The following MYO15A variants were observed in gnomAD, a reference collection of about 807,000 sequenced individuals.
The protein encoded by MYO15A is myosin XVA, also known as unconventional myosin-XV.
In MYO15A, 308 loss-of-function variants were observed where a neutral mutation model predicts 394.6. That is an observed-to-expected ratio of 0.78 (90% CI 0.71 to 0.86). MYO15A has a LOEUF of 0.86. Ranked by LOEUF, MYO15A falls within the 40% of genes least tolerant of loss-of-function variation. The probability of loss-of-function intolerance (pLI) is 0.00; values close to 1 mark genes in which losing one functional copy is unlikely to be tolerated. For synonymous variants in MYO15A, 1,957 were observed against 2,003.8 expected, an observed-to-expected ratio of 0.98 and a Z score of 0.62; for missense variants, 4,606 against 4,799.1, an observed-to-expected ratio of 0.96 and a Z score of 1.19.
At chr17:18,125,360 C>T (rs2046014637) in intron 4 of MYO15A, 129 bp downstream of exon 4, 1 of 917,162 alleles carries the variant, frequency 1.1e-6, no homozygotes, top group Non-Finnish European at 1.8e-6. Flanking sequence ...ATGCCAGAGC[C>T]TAGAACTAAA....
rs763708408 is a variant in MYO15A, at chr17:18,166,384, C to T, written c.9811C>T (p.Arg3271Cys). The T allele has an allele frequency of 9.3e-6, 15 of 1,613,484 alleles. No individual in the cohort carries two copies. The highest frequency in any genetic ancestry group is 5.0e-5 in the Admixed American group (3 of 60,002). Residue 3271 changes from arginine (R) to cysteine (C), a missense_variant, in exon 61 of 66, where the codon CGC becomes TGC. Physicochemically the swap from Arg to Cys is radical, Grantham distance 180 (BLOSUM62 -3). This residue lies in a region of MYO15A where 2,776 missense variants were observed against 3,109.3 expected (regional missense o/e 0.89). Coordinates refer to ENST00000647165, the MANE Select transcript of MYO15A (RefSeq NM_016239.4). ...AGGCCAGCATGTGTGCCCACTCAGT[C>T]GCCGTGCTTACATCCTGGATGTGGC... ...NRGQHVCPLS[R>C]RAYILDVASE...
rs1395748595 is a variant in MYO15A at position 18,166,457 on chromosome 17, G to A, written c.9884G>A (p.Arg3295His). 2.0e-5 allele frequency: 33 copies of A among 1,613,896 alleles called. No individual in the cohort carries two copies. The highest frequency in any genetic ancestry group is 4.5e-5 in the East Asian group (2 of 44,898). ...GGCGGCTACATGCTCTGGTTCCGGC[G>A]TGTGCTCTGGGATCAGCCACTCAAG... Reference protein sequence around the residue: ...VDGGYMLWFRRVLWDQPLKFE... With the variant: ...VDGGYMLWFRHVLWDQPLKFE... The change falls in exon 61 of 66, where the codon CGT becomes CAT. Residue 3295 changes from arginine (R) to histidine (H), a missense_variant. Physicochemically the swap from Arg to His is conservative, Grantham distance 29 (BLOSUM62 0). Transcript: ENST00000647165.
chr17:18,115,492 T>A lies in MYO15A; in HGVS notation c.-219-3090T>A, dbSNP rs854768. 2.0e-5 allele frequency among the ~76,000 whole-genome samples: 3 copies of A among 152,030 alleles called. No homozygotes were observed. In the South Asian group the frequency reaches 6.2e-4, roughly 32 times the overall value. On this transcript the variant is annotated intron_variant, in intron 1 of 65. Transcript: ENST00000647165. The stretch of plus-strand genomic sequence containing the variant: ...AATTAGCTGGGCGTGGCGGTGTGTG[T>A]CTGTAATCCCAGTTTCTTGGGAAGC...
chr17:18,114,241 CTTTTTT>C (rs10583154), intron 1 of MYO15A, among the ~76,000 whole-genome samples: 580 of 55,586 alleles, frequency 0.01, 3 homozygotes, highest in African/African-American at 0.038. Flanking sequence ...ACAGTCCTGT[CTTTTTT>C]TTTTTTTTTT....
chr17:18,118,663 CA>C lies in MYO15A; in HGVS notation c.-137del. The C allele has an allele frequency of 7.3e-7, 1 of 1,376,992 alleles. No individual in the cohort carries two copies. Among genetic ancestry groups the C allele is most frequent in the Non-Finnish European group, 9.9e-7 (1 of 1,011,444 alleles). The allele number at this position is 1,376,992 out of a possible 1,614,324, so 85.3% of individuals were successfully genotyped here. A position where few individuals can be genotyped will look rare whatever the true frequency, so the allele number is the denominator to read the frequency against. On this transcript the variant is annotated 5_prime_UTR_variant, in exon 2 of 66. It removes the in-frame stop codon of an upstream open reading frame in the 5' UTR. Coordinates refer to ENST00000647165, the MANE Select transcript of MYO15A (RefSeq NM_016239.4). ...CTGGCTCGGCCCTCCCCACGCCACCCAGGGCCAGTCGGGTCTGCTCACAGCC... is the reference window on the plus strand; with the variant it reads ...CTGGCTCGGCCCTCCCCACGCCACCCGGGCCAGTCGGGTCTGCTCACAGCC...
chr17:18,135,719 A>C lies in MYO15A; in HGVS notation c.4491A>C (p.Ala1497=). 1 of 1,614,126 alleles carries C rather than the reference A, an allele frequency of 6.2e-7. No individual in the cohort carries two copies. The highest frequency in any genetic ancestry group is 1.1e-5 in the South Asian group (1 of 91,070). ...GTTGGTATTTTGCATAGACGGATGC[A>C]CAGGAGGTGGCCTCAGTGGTGAGTG... The part of the protein sequence containing the change: ...NVYFEKYETD[A]QEVASVVSAR... The change falls in exon 13 of 66, where the codon GCA becomes GCC. Residue 1497 remains alanine (A), a synonymous_variant. Coordinates refer to ENST00000647165, the MANE Select transcript of MYO15A (RefSeq NM_016239.4).
At chr17:18,140,323 C>T in intron 19 of MYO15A, 194 bp from the exon 20 acceptor site, 1 of 753,034 alleles carries the variant, frequency 1.3e-6, no homozygotes, top group Non-Finnish European at 2.2e-6. Flanking sequence ...GGGATGGATC[C>T]CTTGGAAGAT....
At chr17:18,151,353 CT>C in intron 39 of MYO15A, 41 bp from the exon 40 acceptor site, 1 of 1,614,196 alleles carries the variant, frequency 6.2e-7, no homozygotes, top group Non-Finnish European at 8.5e-7. Context: ...GGTTGTGCCC[CT>C]TGTGGCCTCA....
chr17:18,178,491 G>A (rs999852156), intron 65 of MYO15A: 3 of 569,022 alleles, frequency 5.3e-6, no homozygotes, highest in South Asian at 1.8e-5. Context: ...GGCTCAGAGA[G>A]GTGAAGCGAT....
rs2045930519 is a variant in MYO15A at position 18,121,479 on chromosome 17, A to C, written c.2679A>C (p.Arg893=). 1 of 1,550,290 alleles carries C rather than the reference A, an allele frequency of 6.5e-7. No homozygotes were observed. The highest frequency in any genetic ancestry group is 1.4e-5 in the African/African-American group (1 of 72,964). ...VKPQVRLPFH[R]PPRAGAWRAP... Reference sequence around the variant, plus strand: ...CGCAAGTGCGCCTGCCCTTCCACCGACCGCCCAGGGCCGGGGCCTGGCGGG... The same window carrying C: ...CGCAAGTGCGCCTGCCCTTCCACCGCCCGCCCAGGGCCGGGGCCTGGCGGG... The change falls in exon 2 of 66, where the codon CGA becomes CGC. Residue 893 remains arginine (R), a synonymous_variant. Transcript: ENST00000647165. This position sits in a 1 kb window ranked among gnomAD's most constrained non-coding sequence, Gnocchi z 5.3.
Position 18,163,249 on chromosome 17 carries a change from C to T in MYO15A, c.9618C>T (p.Gly3206=). The change falls in exon 59 of 66, where the codon GGC becomes GGT. Residue 3206 remains glycine, a synonymous_variant. Coordinates refer to ENST00000647165, the MANE Select transcript of MYO15A (RefSeq NM_016239.4). ...SSIELRAMLA[G]RSSKRQLFLL... ...CTCCCACCTATCTACCCCAGGCAGG[C>T]CGCAGTTCCAAGAGGCAACTCTTTC... 6.2e-7 allele frequency: 1 copy of T among 1,614,186 alleles called. No homozygotes were observed. Among genetic ancestry groups the T allele is most frequent in the East Asian group, 2.2e-5 (1 of 44,882 alleles).
intron 1 of MYO15A, among the ~76,000 whole-genome samples, chr17:18,112,529 A>G (rs932753691): frequency 5.3e-5 from 8 of 152,098 alleles, no homozygotes; most frequent in African/African-American, 1.7e-4. Context: ...CACACTGTGC[A>G]TATCTGTAGC....
chr17:18,142,925 C>T (rs907620664), intron 25 of MYO15A, 85 bp downstream of exon 25: 1 of 1,306,308 alleles, frequency 7.7e-7, no homozygotes, highest in African/African-American at 1.5e-5. Context: ...CTACTGGCCT[C>T]AGGCAGTCTT....
intron 45 of MYO15A, 127 bp downstream of exon 45, chr17:18,154,882 C>A: frequency 1.7e-6 from 2 of 1,146,968 alleles, no homozygotes; most frequent in Non-Finnish European, 2.5e-6. Flanking sequence ...CCTCCTTGCT[C>A]TGCTTCTCTG....
In MYO15A at chr17:18,178,919, G is replaced by A. The variant is rs1024522984; in HGVS notation, c.*49G>A. On this transcript the variant is annotated 3_prime_UTR_variant, in exon 66 of 66. Coordinates refer to ENST00000647165, the MANE Select transcript of MYO15A (RefSeq NM_016239.4). ...CTTCTGCCAGAAGACTCACTGTGTG[G>A]CCTCAGAGAAATCACTGAACCTCTC... 2 of 1,572,990 alleles carry A rather than the reference G, an allele frequency of 1.3e-6. No individual in the cohort carries two copies. The highest frequency in any genetic ancestry group is 1.7e-6 in the Non-Finnish European group (2 of 1,151,320).
At chr17:18,124,677 G>T in intron 3 of MYO15A, 112 bp downstream of exon 3, 1 of 1,024,886 alleles carries the variant, frequency 9.8e-7, no homozygotes, top group Non-Finnish European at 1.5e-6. Context: ...CATTTTCAGA[G>T]CCTCAGTCAT....
chr17:18,173,225 C>G (rs2046967240), intron 64 of MYO15A, among the ~76,000 whole-genome samples: 1 of 152,186 alleles, frequency 6.6e-6, no homozygotes, highest in Admixed American at 6.5e-5. Context: ...GAGCTTCTTT[C>G]TGAGGCATTA....
intron 1 of MYO15A, among the ~76,000 whole-genome samples, chr17:18,116,153 G>A (rs2045779921): frequency 6.6e-6 from 1 of 152,222 alleles, no homozygotes; most frequent in Non-Finnish European, 1.5e-5. Flanking sequence ...CAGGCTGACT[G>A]AGGAATCCAG....
chr17:18,155,416 G>A lies in MYO15A; in HGVS notation c.8443G>A (p.Val2815Ile), dbSNP rs886052680. ...GGQEAGGQLR[V>I]LRAYSFADIL... ...CCAGGAGGCCGGCGGGCAGCTGCGG[G>A]TCCTGCGTGCATACAGGTGACCAGC... The change falls in exon 47 of 66, where the codon GTC becomes ATC. Residue 2815 changes from valine (V) to isoleucine (I), a missense_variant. Val to Ile is a conservative substitution (Grantham distance 29). This residue lies in a region of MYO15A where 2,776 missense variants were observed against 3,109.3 expected (regional missense o/e 0.89). Coordinates refer to ENST00000647165, the MANE Select transcript of MYO15A (RefSeq NM_016239.4). 22 of 1,613,212 alleles carry A rather than the reference G, an allele frequency of 1.4e-5. No homozygotes were observed. In the East Asian group the frequency reaches 4.9e-4, roughly 36 times the overall value.
Sources: gnomAD v4.1 joint callset for allele counts (sites outside exome capture counted in the v4.1 genomes callset) on GRCh38, gnomAD v4.1.1 for gene constraint, gnomAD v4.1.1 regional missense constraint, Gnocchi (gnomAD v3.1) non-coding constraint, MANE v1.5 for transcripts, NCBI Gene and HGNC (gene_info 2026-07-23, HGNC 2026-07-21) for gene names.